Variants in RASGRP3 observed in about 807,000 individuals in gnomAD.
RASGRP3 encodes the protein RAS guanyl releasing protein 3, also known as ras guanyl-releasing protein 3.
A neutral mutation model predicts 82.7 loss-of-function variants in RASGRP3; 54 were observed. The observed-to-expected ratio is 0.65, with a 90% CI of 0.52 to 0.82. RASGRP3 has a LOEUF of 0.82. RASGRP3 is among the 40% of genes least tolerant of loss of function. RASGRP3 has a pLI of 0.00. For missense variants in RASGRP3, 861 were observed against 828.9 expected (o/e 1.04, Z -0.48); for synonymous variants, 309 against 300.5 (o/e 1.03, Z -0.29).
intron 2 of RASGRP3, among the ~76,000 whole-genome samples, chr2:33,455,427 G>A (rs1477686479): frequency 6.6e-6 from 1 of 152,188 alleles, no homozygotes; most frequent in Non-Finnish European, 1.5e-5. Context: ...TATCATCCCA[G>A]TGATCAGGAT....
chr2:33,547,693 G>T (rs1674936186), intron 13 of RASGRP3, among the ~76,000 whole-genome samples: 1 of 152,090 alleles, frequency 6.6e-6, no homozygotes, highest in Non-Finnish European at 1.5e-5. Context: ...CTGGAGTCTC[G>T]ATCTTGTGAG....
intron 1 of RASGRP3, among the ~76,000 whole-genome samples, chr2:33,495,276 G>A (rs1171595760): frequency 6.6e-6 from 1 of 152,194 alleles, no homozygotes; most frequent in East Asian, 1.9e-4. Flanking sequence ...GCTGGGGGTT[G>A]GGAAGATGGT....
intron 2 of RASGRP3, among the ~76,000 whole-genome samples, chr2:33,450,822 CTTTTTTTTTTTTTTT>C (rs1170217165): frequency 3.2e-4 from 6 of 18,964 alleles, no homozygotes; most frequent in African/African-American, 6.0e-4. Flanking sequence ...TTCTTTCTTT[CTTTTTTTTTTTTTTT>C]TTTTTTTTTT....
At chr2:33,556,191 G>C (rs1390678712) in intron 15 of RASGRP3, among the ~76,000 whole-genome samples, 1 of 150,412 alleles carries the variant, frequency 6.6e-6, no homozygotes, top group African/African-American at 2.4e-5. Flanking sequence ...GAAGTTGCTG[G>C]ACACTTTATG....
chr2:33,562,403 G>A (rs1574519561), intron 17 of RASGRP3, among the ~76,000 whole-genome samples: 1 of 151,914 alleles, frequency 6.6e-6, no homozygotes, highest in African/African-American at 2.4e-5. Flanking sequence ...AAGTAGCTGG[G>A]ACTGCAGGCA....
At chr2:33,483,813 A>G (rs1668140942) in intron 1 of RASGRP3, among the ~76,000 whole-genome samples, 1 of 152,150 alleles carries the variant, frequency 6.6e-6, no homozygotes, top group Non-Finnish European at 1.5e-5. Context: ...CTGTTGTTGA[A>G]TTGTTTCAAA....
At chr2:33,478,928 C>T (rs1170910457) in intron 1 of RASGRP3, among the ~76,000 whole-genome samples, 1 of 152,126 alleles carries the variant, frequency 6.6e-6, no homozygotes, top group Non-Finnish European at 1.5e-5. Flanking sequence ...TATTATTATT[C>T]CAGTTCTATA....
intron 2 of RASGRP3, among the ~76,000 whole-genome samples, chr2:33,459,032 C>A (rs989044061): frequency 6.6e-6 from 1 of 152,102 alleles, no homozygotes; most frequent in African/African-American, 2.4e-5. Context: ...ACATTTTTAA[C>A]ATAAATGATT....
chr2:33,499,574 C>T (rs1423510710), intron 1 of RASGRP3, among the ~76,000 whole-genome samples: 1 of 152,018 alleles, frequency 6.6e-6, no homozygotes, highest in Non-Finnish European at 1.5e-5. Context: ...AAAACAAAAC[C>T]AAAACCAGTT....
chr2:33,437,215 T>A (rs1664975148), intron 1 of RASGRP3, among the ~76,000 whole-genome samples: 1 of 152,212 alleles, frequency 6.6e-6, no homozygotes. Flanking sequence ...AATTATTATT[T>A]CCAAACATTC....
chr2:33,501,283 C>T (rs1229827216), intron 1 of RASGRP3, among the ~76,000 whole-genome samples: 1 of 152,088 alleles, frequency 6.6e-6, no homozygotes, highest in Non-Finnish European at 1.5e-5. Context: ...AATAATATTC[C>T]ATTGTATGGA....
intron 2 of RASGRP3, among the ~76,000 whole-genome samples, chr2:33,451,573 A>T (rs1377119107): frequency 6.6e-6 from 1 of 152,094 alleles, no homozygotes; most frequent in Non-Finnish European, 1.5e-5. Flanking sequence ...ATCTATTTTG[A>T]GTTTAAGTTT....
At chr2:33,480,018 A>C (rs1345680762) in intron 1 of RASGRP3, among the ~76,000 whole-genome samples, 1 of 151,610 alleles carries the variant, frequency 6.6e-6, no homozygotes, top group African/African-American at 2.4e-5. Context: ...TTGAAGATCA[A>C]GCTATTTATA....
At chr2:33,467,954 T>G (rs1384278573) in intron 2 of RASGRP3, among the ~76,000 whole-genome samples, 7 of 151,904 alleles carry the variant, frequency 4.6e-5, no homozygotes, top group African/African-American at 1.7e-4. Context: ...AAAAAGTGAC[T>G]GGTTTTTCTA....
At chr2:33,525,699 C>CAAAAAAAAA in intron 9 of RASGRP3, among the ~76,000 whole-genome samples, 2 of 54,406 alleles carry the variant, frequency 3.7e-5, no homozygotes, top group Non-Finnish European at 6.0e-5. Context: ...CCTGTCTCTA[C>CAAAAAAAAA]AAAAAAAAAA....
Position 33,516,597 on chromosome 2 carries a change from C to A in RASGRP3, c.126C>A (p.His42Gln). Reference sequence around the variant, plus strand: ...TGCCAAGAATAGTTCTACTGATGCACCGATGGTATTTATCTTCCACTGAAT... The same window carrying A: ...TGCCAAGAATAGTTCTACTGATGCAACGATGGTATTTATCTTCCACTGAAT... ...SYLPRIVLLM[H>Q]RWYLSSTELA... The change falls in exon 4 of 18, where the codon CAC becomes CAA. Residue 42 changes from histidine (H) to glutamine (Q), a missense_variant. Coordinates refer to ENST00000403687, the MANE Select transcript of RASGRP3 (RefSeq NM_001139488.2). The A allele has an allele frequency of 6.3e-7, 1 of 1,594,632 alleles. No individual in the cohort carries two copies. Among genetic ancestry groups the A allele is most frequent in the Non-Finnish European group, 8.6e-7 (1 of 1,166,626 alleles).
chr2:33,467,979 T>TTTTTC lies in RASGRP3; in HGVS notation c.-261+20040_-261+20044dup, dbSNP rs1491496379. ...TGGTTTTTCTAATGGATGGTGAGGC[T>TTTTTC]TTTTCTTTCTTTCTTTCTTTCTTTC... is the stretch of plus-strand genomic sequence containing the variant. On this transcript the variant is annotated intron_variant, in intron 2 of 18. Coordinates refer to the RASGRP3 transcript ENST00000402538. Among the ~76,000 whole-genome samples, 8 of 109,150 alleles carry TTTTTC rather than the reference T, an allele frequency of 7.3e-5. No homozygotes were observed. In the South Asian group the frequency reaches 1.2e-3, roughly 17 times the overall value. The allele number at this position is 109,150 out of a possible 152,430, so 71.6% of individuals were successfully genotyped here.
chr2:33,500,081 T>C (rs113190938), intron 1 of RASGRP3, among the ~76,000 whole-genome samples: 5 of 152,050 alleles, frequency 3.3e-5, no homozygotes, highest in Admixed American at 6.5e-5. Context: ...AGCGTAAGTA[T>C]TGGGAGAGGA....
intron 1 of RASGRP3, among the ~76,000 whole-genome samples, chr2:33,484,067 C>T (rs1303079160): frequency 1.3e-5 from 2 of 152,036 alleles, no homozygotes; most frequent in Non-Finnish European, 2.9e-5. Context: ...TAAAAATTTC[C>T]CCTCCATCCA....
Sources: allele counts gnomAD v4.1 joint callset (sites outside exome capture counted in the v4.1 genomes callset), GRCh38; gene constraint gnomAD v4.1.1; transcripts MANE v1.5; gene names NCBI Gene and HGNC (gene_info 2026-07-23, HGNC 2026-07-21).